Variants in LRRIQ3 observed in about 807,000 individuals in gnomAD.
The protein encoded by LRRIQ3 is leucine rich repeats and IQ motif containing 3.
Under a neutral mutation model 59.3 loss-of-function variants are expected in LRRIQ3, and 75 were observed. The ratio of observed to expected loss-of-function variants is 1.26; its 90% CI spans 1.05 to 1.53. The LOEUF (loss-of-function observed/expected upper bound fraction) is 1.53, where lower values mean the gene tolerates loss of function less well. Among genes scored for constraint, LRRIQ3 ranks in the 40% most tolerant of loss-of-function variants. LRRIQ3 has a pLI of 0.00. For synonymous variants in LRRIQ3, 250 were observed against 231.3 expected, an observed-to-expected ratio of 1.08 and a Z score of -0.73; for missense variants, 831 against 710.0, an observed-to-expected ratio of 1.17 and a Z score of -1.94.
In LRRIQ3 at chr1:74,126,434, A is replaced by C. The variant is rs375101087; in HGVS notation, c.708-16881T>G. On this transcript the variant is annotated intron_variant, in intron 4 of 7. Coordinates refer to ENST00000354431, the MANE Select transcript of LRRIQ3 (RefSeq NM_001105659.2). ...GCTTTTGCTTTTCTAGTTCTTTAAG[A>C]TGCATTGTTAGGTTGTTTAAAGATT... Among the ~76,000 whole-genome samples the C allele has an allele frequency of 3.0e-4, 45 of 151,720 alleles. No individual in the cohort carries two copies. In the East Asian group the frequency reaches 8.4e-3, roughly 28 times the overall value.
chr1:74,067,286 A>T (rs1243273817), intron 6 of LRRIQ3, among the ~76,000 whole-genome samples: 1 of 152,072 alleles, frequency 6.6e-6, no homozygotes, highest in East Asian at 1.9e-4. Flanking sequence ...TGGAAGAGGG[A>T]AAGACTAACC....
At chr1:74,081,043 AC>A (rs1646268498) in intron 5 of LRRIQ3, among the ~76,000 whole-genome samples, 1 of 151,558 alleles carries the variant, frequency 6.6e-6, no homozygotes, top group Admixed American at 6.6e-5. Flanking sequence ...AAAAAAGATA[AC>A]CCCTTTAAGT....
intron 1 of LRRIQ3, among the ~76,000 whole-genome samples, chr1:74,195,598 C>G (rs1353667604): frequency 1.3e-5 from 2 of 152,076 alleles, no homozygotes; most frequent in East Asian, 3.9e-4. Flanking sequence ...TCTTCAGATA[C>G]TCTCTACTCT....
rs144749236 is a variant in LRRIQ3, at chr1:74,176,833, A to G, written c.573+5705T>C. On this transcript the variant is annotated intron_variant, in intron 3 of 7. Transcript: ENST00000354431. ...TACTACAATGGGTTAGTAAGGGCTT[A>G]TAACTGGCCAACAGAAATGAAATCC... Among the ~76,000 whole-genome samples, 6 of 152,224 alleles carry G rather than the reference A, an allele frequency of 3.9e-5. No homozygotes were observed. In the East Asian group the frequency reaches 1.2e-3, roughly 30 times the overall value.
At chr1:74,075,610 A>C (rs1227955440) in intron 5 of LRRIQ3, among the ~76,000 whole-genome samples, 1 of 151,982 alleles carries the variant, frequency 6.6e-6, no homozygotes, top group Non-Finnish European at 1.5e-5. Context: ...TGGATCAGCT[A>C]TGTGTGGGAA....
intron 5 of LRRIQ3, among the ~76,000 whole-genome samples, chr1:74,099,672 A>G (rs1420789300): frequency 6.6e-6 from 1 of 152,140 alleles, no homozygotes; most frequent in African/African-American, 2.4e-5. Context: ...ATACTAGCAA[A>G]CCGAATCCAG....
rs1647046980 is a variant in LRRIQ3 at position 74,132,741 on chromosome 1, G to C, written c.707+22992C>G. ...AGATGGATTAAAGACTTAAATGTTA[G>C]ACCTAAAACCATAAAAACCCTAGAA... is the stretch of plus-strand genomic sequence containing the variant. On this transcript the variant is annotated intron_variant, in intron 4 of 7. Coordinates refer to ENST00000354431, the MANE Select transcript of LRRIQ3 (RefSeq NM_001105659.2). Among the ~76,000 whole-genome samples, 6 of 152,204 alleles carry C rather than the reference G, an allele frequency of 3.9e-5. 1 individual carries two copies. The South Asian group carries it at 1.2e-3, about 32-fold the overall frequency.
intron 5 of LRRIQ3, among the ~76,000 whole-genome samples, chr1:74,080,488 C>T (rs769794606): frequency 1.3e-5 from 2 of 151,596 alleles, no homozygotes. Context: ...GCAGTGGTAA[C>T]CATTGCCTCT....
chr1:74,156,545 A>G (rs894561076), intron 3 of LRRIQ3, among the ~76,000 whole-genome samples: 9 of 152,196 alleles, frequency 5.9e-5, no homozygotes, highest in Admixed American at 4.6e-4. Context: ...CAATCTGATA[A>G]TATATGTATA....
chr1:74,120,150 G>A (rs2100584007), intron 4 of LRRIQ3, among the ~76,000 whole-genome samples: 1 of 149,410 alleles, frequency 6.7e-6, no homozygotes, highest in African/African-American at 2.5e-5. Flanking sequence ...ATGGAGTCCT[G>A]CTGTGTCGCC....
At chr1:74,160,233 G>T (rs1195297378) in intron 3 of LRRIQ3, among the ~76,000 whole-genome samples, 1 of 151,982 alleles carries the variant, frequency 6.6e-6, no homozygotes, top group Non-Finnish European at 1.5e-5. Flanking sequence ...CCAAGAACAC[G>T]AAACTACTTG....
chr1:74,122,069 C>T (rs1286589716), intron 4 of LRRIQ3, among the ~76,000 whole-genome samples: 2 of 151,972 alleles, frequency 1.3e-5, no homozygotes, highest in Non-Finnish European at 1.5e-5. Context: ...TTTATAGCAG[C>T]ATGATTTATA....
intron 6 of LRRIQ3, among the ~76,000 whole-genome samples, chr1:74,055,563 TATTC>T (rs1173558416): frequency 3.9e-5 from 6 of 152,170 alleles, no homozygotes; most frequent in Non-Finnish European, 7.3e-5. Context: ...TCATTATACA[TATTC>T]ATTATATGCC....
Position 74,026,736 on chromosome 1 carries a change from A to G in LRRIQ3, c.*77T>C. ...TGATGTAGAGTATTTCTTGCTTTAG[A>G]GTATTATTTCAAATTCCTTCAACTA... is the stretch of plus-strand genomic sequence containing the variant. On this transcript the variant is annotated 3_prime_UTR_variant, in exon 8 of 8. Coordinates refer to ENST00000354431, the MANE Select transcript of LRRIQ3 (RefSeq NM_001105659.2). 8.7e-7 allele frequency: 1 copy of G among 1,151,666 alleles called. No individual in the cohort carries two copies. Among genetic ancestry groups the G allele is most frequent in the East Asian group, 2.4e-5 (1 of 40,822 alleles). The allele number at this position is 1,151,666 out of a possible 1,614,324, so 71.3% of individuals were successfully genotyped here. A position where few individuals can be genotyped will look rare whatever the true frequency, so the allele number is the denominator to read the frequency against.
intron 3 of LRRIQ3, chr1:74,180,157 G>A (rs1189898418): frequency 1.3e-5 from 2 of 151,636 alleles, no homozygotes; most frequent in Non-Finnish European, 2.9e-5. Flanking sequence ...CTAAAGATGC[G>A]ACATCCTCTT....
chr1:74,176,556 C>T (rs1242463226), intron 3 of LRRIQ3, among the ~76,000 whole-genome samples: 2 of 152,150 alleles, frequency 1.3e-5, no homozygotes, highest in African/African-American at 4.8e-5. Context: ...CAGTGCTGCA[C>T]TCTGTTTTCT....
At chr1:74,089,197 T>C (rs937608350) in intron 5 of LRRIQ3, among the ~76,000 whole-genome samples, 4 of 152,128 alleles carry the variant, frequency 2.6e-5, no homozygotes, top group African/African-American at 7.2e-5. Flanking sequence ...GTAACTCTCA[T>C]GCATTTATCA....
chr1:74,132,612 G>C (rs1053730461), intron 4 of LRRIQ3, among the ~76,000 whole-genome samples: 6 of 152,002 alleles, frequency 3.9e-5, no homozygotes, highest in African/African-American at 1.4e-4. Flanking sequence ...CAAGAAATGG[G>C]GAAAGATTCC....
intron 3 of LRRIQ3, 99 bp from the exon 4 acceptor site, chr1:74,155,965 A>C (rs1160686885): frequency 9.2e-5 from 65 of 707,410 alleles, no homozygotes; most frequent in Non-Finnish European, 4.1e-5. Flanking sequence ...ATAAACTAAC[A>C]AAATGTTCAC....
Sources: gnomAD v4.1 joint callset for allele counts (sites outside exome capture counted in the v4.1 genomes callset) on GRCh38, gnomAD v4.1.1 for gene constraint, MANE v1.5 for transcripts, NCBI Gene and HGNC (gene_info 2026-07-23, HGNC 2026-07-21) for gene names.